ARHGAP26: variants seen among roughly 807,000 people sequenced by gnomAD.
ARHGAP26 encodes the protein rho GTPase-activating protein 26.
In ARHGAP26, 38 loss-of-function variants were observed where a neutral mutation model predicts 104.8. The ratio of observed to expected loss-of-function variants is 0.36; its 90% confidence interval spans 0.28 to 0.48. ARHGAP26 has a LOEUF of 0.48. Among genes scored for constraint, ARHGAP26 ranks in the 20% least tolerant of loss-of-function variants. The pLI is 0.99. For missense variants in ARHGAP26, 704 were observed against 947.9 expected, an observed-to-expected ratio of 0.74 and a Z score of 3.38; for synonymous variants, 341 against 340.0, an observed-to-expected ratio of 1.00 and a Z score of -0.03.
At chr5:142,810,980 C>G (rs137924876) in intron 1 of ARHGAP26, among the ~76,000 whole-genome samples, 2 of 152,308 alleles carry the variant, frequency 1.3e-5, no homozygotes, top group East Asian at 3.9e-4. Flanking sequence ...ATGAATAAAT[C>G]TACCCGCTTC....
At chr5:142,792,371 T>A (rs1760034267) in intron 1 of ARHGAP26, among the ~76,000 whole-genome samples, 1 of 152,220 alleles carries the variant, frequency 6.6e-6, no homozygotes, top group Admixed American at 6.5e-5. Context: ...GAAGAGACTG[T>A]CTCTGTCTTT....
At chr5:143,167,784 A>G (rs926123681) in intron 20 of ARHGAP26, among the ~76,000 whole-genome samples, 5 of 152,170 alleles carry the variant, frequency 3.3e-5, no homozygotes, top group African/African-American at 1.2e-4. Context: ...ACATATAGAA[A>G]GTTCAGCTGC....
At chr5:142,859,225 G>C (rs1561965292) in intron 1 of ARHGAP26, among the ~76,000 whole-genome samples, 1 of 152,170 alleles carries the variant, frequency 6.6e-6, no homozygotes, top group Non-Finnish European at 1.5e-5. Context: ...TAGGAGTCCA[G>C]GCCAGAGATG....
intron 20 of ARHGAP26, among the ~76,000 whole-genome samples, chr5:143,205,370 T>C (rs1272897853): frequency 6.6e-6 from 1 of 152,204 alleles, no homozygotes; most frequent in African/African-American, 2.4e-5. Context: ...TTATTTCTTC[T>C]CTTATATGAA....
intron 10 of ARHGAP26, among the ~76,000 whole-genome samples, chr5:142,917,188 C>T (rs1762596101): frequency 6.6e-6 from 1 of 152,016 alleles, no homozygotes; most frequent in African/African-American, 2.4e-5. Flanking sequence ...TACAGGCATG[C>T]ACCACCATGC....
chr5:142,851,492 A>G lies in ARHGAP26; in HGVS notation c.155-21908A>G, dbSNP rs369922660. Among the ~76,000 whole-genome samples the G allele has an allele frequency of 9.8e-5, 15 of 152,354 alleles. 1 individual carries two copies. The highest frequency in any genetic ancestry group is 9.7e-4 in the East Asian group (5 of 5,178). ...TATCCAGGCTTGAGATTGTAATTTT[A>G]GTAGTTCAGTTCAGTTGTTTTATTA... is the stretch of plus-strand genomic sequence containing the variant. On this transcript the variant is annotated intron_variant, in intron 1 of 22. Transcript: ENST00000645722.
intron 10 of ARHGAP26, among the ~76,000 whole-genome samples, chr5:142,930,327 T>C (rs37186): frequency 0.4 from 60,417 of 152,094 alleles, 14,104 homozygotes; most frequent in East Asian, 0.64. Context: ...TCTGCAGATA[T>C]CCACTGAGTC....
Position 143,222,342 on chromosome 5 carries a change from TC to T in ARHGAP26, c.2192-12del. 1 of 1,539,892 alleles carries T rather than the reference TC, an allele frequency of 6.5e-7. No homozygotes were observed. Among genetic ancestry groups the T allele is most frequent in the Non-Finnish European group, 8.8e-7 (1 of 1,134,494 alleles). ...TAATGCCATCTCTTCTCGCTTTCTC[TC>T]CCCTTCCTGTACAGTTCACCCATCT... On this transcript the variant is annotated splice_polypyrimidine_tract_variant and intron_variant, in intron 22 of 22. Transcript: ENST00000645722.
At chr5:143,092,824 T>C (rs1483980926) in intron 17 of ARHGAP26, among the ~76,000 whole-genome samples, 1 of 152,252 alleles carries the variant, frequency 6.6e-6, no homozygotes, top group Admixed American at 6.5e-5. Context: ...AAGGCTTGAC[T>C]GAGTGCAAAC....
At chr5:143,006,894 C>T (rs1211842213) in intron 11 of ARHGAP26, among the ~76,000 whole-genome samples, 1 of 152,178 alleles carries the variant, frequency 6.6e-6, no homozygotes, top group African/African-American at 2.4e-5. Flanking sequence ...TGGCATTCCA[C>T]AGACTAAGGG....
At chr5:143,198,826 T>G (rs1396518222) in intron 20 of ARHGAP26, among the ~76,000 whole-genome samples, 1 of 152,202 alleles carries the variant, frequency 6.6e-6, no homozygotes, top group African/African-American at 2.4e-5. Context: ...ATTTCAACTT[T>G]TAGATTCAGG....
chr5:143,024,470 G>A (rs946638098), intron 12 of ARHGAP26, among the ~76,000 whole-genome samples: 3 of 152,034 alleles, frequency 2.0e-5, no homozygotes, highest in Non-Finnish European at 2.9e-5. Flanking sequence ...TCCCAGTTTG[G>A]GCTTCAGCCA....
At chr5:142,837,237 T>C (rs1275885218) in intron 1 of ARHGAP26, among the ~76,000 whole-genome samples, 1 of 152,152 alleles carries the variant, frequency 6.6e-6, no homozygotes, top group African/African-American at 2.4e-5. Flanking sequence ...GTAGACGTCA[T>C]GAGAAAGTTT....
intron 17 of ARHGAP26, 175 bp downstream of exon 17, chr5:143,057,922 GC>G: frequency 2.8e-6 from 2 of 713,280 alleles, no homozygotes; most frequent in South Asian, 3.0e-5. Context: ...AGCAGCAAAT[GC>G]CAGATGGCCT....
intron 20 of ARHGAP26, among the ~76,000 whole-genome samples, chr5:143,160,060 C>CTTTTTTTTTTTTTTT (rs200678768): frequency 7.5e-6 from 1 of 133,986 alleles, no homozygotes; most frequent in Non-Finnish European, 1.6e-5. Flanking sequence ...AAAGATTTTT[C>CTTTTTTTTTTTTTTT]TTTTTTTTTT....
intron 12 of ARHGAP26, among the ~76,000 whole-genome samples, chr5:143,025,331 G>A (rs975438298): frequency 7.9e-5 from 12 of 152,106 alleles, no homozygotes; most frequent in South Asian, 2.1e-4. Context: ...CCTGCCCTTC[G>A]CTGCCTCAGA....
intron 1 of ARHGAP26, among the ~76,000 whole-genome samples, chr5:142,855,149 C>T (rs770934990): frequency 1.1e-4 from 17 of 151,898 alleles, no homozygotes; most frequent in Non-Finnish European, 2.1e-4. Flanking sequence ...GTGAAGTCAC[C>T]GTTTTAGAAC....
intron 5 of ARHGAP26, among the ~76,000 whole-genome samples, chr5:142,890,969 T>C (rs1758576197): frequency 6.7e-6 from 1 of 149,916 alleles, no homozygotes; most frequent in Non-Finnish European, 1.5e-5. Flanking sequence ...CCTTCTTCTC[T>C]GCCTTTGCAG....
In ARHGAP26 at chr5:143,227,531, G is replaced by T. The variant is rs1811766611; in HGVS notation, c.*5085G>T. 1 of 230,428 alleles carries T rather than the reference G, an allele frequency of 4.3e-6. No individual in the cohort carries two copies. Among genetic ancestry groups the T allele is most frequent in the African/African-American group, 2.2e-5 (1 of 45,152 alleles). 14.3% of individuals were successfully genotyped at this position (230,428 alleles called of 1,614,324 possible). A position where few individuals can be genotyped will look rare whatever the true frequency, so the allele number is the denominator to read the frequency against. ...TAATTGTAGCATCAAAATGACAACA[G>T]CAGCAGAGCAGCGAATCTTGCACAG... On this transcript the variant is annotated 3_prime_UTR_variant, in exon 23 of 23. Coordinates refer to ENST00000645722, the MANE Select transcript of ARHGAP26 (RefSeq NM_001135608.3).
Sources: gnomAD v4.1 joint callset for allele counts (sites outside exome capture counted in the v4.1 genomes callset) on GRCh38, gnomAD v4.1.1 for gene constraint, MANE v1.5 for transcripts, NCBI Gene and HGNC (gene_info 2026-07-23, HGNC 2026-07-21) for gene names.